The following SGCZ variants were observed in gnomAD, a reference collection of about 807,000 sequenced individuals.
SGCZ encodes the protein zeta-sarcoglycan.
Under a neutral mutation model 41.3 loss-of-function variants are expected in SGCZ, and 40 were observed. That is an observed-to-expected ratio of 0.97 (90% CI 0.75 to 1.26). SGCZ has a LOEUF of 1.26. Ranked by LOEUF, SGCZ falls within the 50% of genes most tolerant of loss-of-function variation. The pLI is 0.00. For missense variants in SGCZ, 552 were observed against 369.8 expected (o/e 1.49, Z -4.04); for synonymous variants, 206 against 137.5 (o/e 1.50, Z -3.49).
intron 1 of SGCZ, among the ~76,000 whole-genome samples, chr8:14,718,642 A>C (rs1416469114): frequency 2.0e-5 from 2 of 100,950 alleles, no homozygotes; most frequent in African/African-American, 7.4e-5. Context: ...ATATAAGTTC[A>C]CAGGAGTATG....
chr8:14,876,658 G>C (rs1804367926), intron 1 of SGCZ, among the ~76,000 whole-genome samples: 2 of 152,214 alleles, frequency 1.3e-5, no homozygotes, highest in South Asian at 4.1e-4. Context: ...TTTTTTAAAT[G>C]GTACAAGGTG....
At chr8:14,113,019 C>A (rs1440540000) in intron 5 of SGCZ, among the ~76,000 whole-genome samples, 1 of 152,024 alleles carries the variant, frequency 6.6e-6, no homozygotes, top group Non-Finnish European at 1.5e-5. Flanking sequence ...AAATGTCAAC[C>A]TATTTCAACA....
rs201803886 is a variant in SGCZ at position 14,363,546 on chromosome 8, TC to T, written c.235-39343del. ...CTTTTCTTTTCTTCTTCTTTTTTTT[TC>T]CCCCAAGCAGCAGTTTACTTTTAAC... On this transcript the variant is annotated intron_variant, in intron 2 of 7. Transcript: ENST00000382080. Among the ~76,000 whole-genome samples the T allele has an allele frequency of 9.2e-3, 1,401 of 152,156 alleles. 14 individuals are homozygous for T. The highest frequency in any genetic ancestry group is 0.02 in the Middle Eastern group (6 of 294).
chr8:14,102,302 T>G, intron 7 of SGCZ, 74 bp downstream of exon 7: 1 of 1,299,728 alleles, frequency 7.7e-7, no homozygotes, highest in Non-Finnish European at 9.9e-7. Flanking sequence ...AAGTCAATTA[T>G]AAATAGGACA....
At chr8:14,125,443 G>A (rs1015840127) in intron 5 of SGCZ, among the ~76,000 whole-genome samples, 20 of 150,804 alleles carry the variant, frequency 1.3e-4, no homozygotes, top group Admixed American at 4.6e-4. Flanking sequence ...GGCAGAGCTC[G>A]CAGTGAGCCG....
intron 2 of SGCZ, among the ~76,000 whole-genome samples, chr8:14,478,680 T>C (rs2116997830): frequency 6.6e-6 from 1 of 152,354 alleles, no homozygotes; most frequent in East Asian, 1.9e-4. Flanking sequence ...ATCTGGTTGA[T>C]TTGTTTCAGC....
rs189223801 is a variant in SGCZ at position 15,100,755 on chromosome 8, G to A, written c.39+136830C>T. ...CCTGGCATTTTGGGAGGCCAAACACGGAGAATCACTTAACCCCAGAAATTC... is the reference window on the plus strand; with the variant it reads ...CCTGGCATTTTGGGAGGCCAAACACAGAGAATCACTTAACCCCAGAAATTC... On this transcript the variant is annotated intron_variant, in intron 1 of 7. Transcript: ENST00000382080. Among the ~76,000 whole-genome samples, 121 of 152,224 alleles carry A rather than the reference G, an allele frequency of 7.9e-4. No homozygotes were observed. In the East Asian group the frequency reaches 9.1e-3, roughly 11 times the overall value.
chr8:15,220,777 T>G (rs1801569106), intron 1 of SGCZ, among the ~76,000 whole-genome samples: 1 of 152,066 alleles, frequency 6.6e-6, no homozygotes, highest in Non-Finnish European at 1.5e-5. Context: ...TGTCCATCAG[T>G]GATAAACTGG....
chr8:14,820,078 G>A (rs1359888478), intron 1 of SGCZ, among the ~76,000 whole-genome samples: 1 of 151,606 alleles, frequency 6.6e-6, no homozygotes, highest in Non-Finnish European at 1.5e-5. Context: ...GTATAGAGTG[G>A]CTAAATGGAG....
chr8:15,143,770 T>TAACTTAGCAAAATATCTG (rs1563148845), intron 1 of SGCZ, among the ~76,000 whole-genome samples: 1 of 4,578 alleles, frequency 2.2e-4, no homozygotes, highest in African/African-American at 2.8e-4. Context: ...ATTATTACCT[T>TAACTTAGCAAAATATCTG]TTTTTTTTTT....
chr8:14,760,239 T>C (rs1178937326), intron 1 of SGCZ, among the ~76,000 whole-genome samples: 1 of 152,178 alleles, frequency 6.6e-6, no homozygotes, highest in Non-Finnish European at 1.5e-5. Flanking sequence ...AACAAGGTAA[T>C]CCCTTCGTAG....
At chr8:14,824,070 A>G (rs938951772) in intron 1 of SGCZ, among the ~76,000 whole-genome samples, 15 of 152,142 alleles carry the variant, frequency 9.9e-5, no homozygotes, top group African/African-American at 2.7e-4. Context: ...AAAGAATAGA[A>G]CAGTGGTTAC....
intron 2 of SGCZ, among the ~76,000 whole-genome samples, chr8:14,393,826 C>G (rs975903485): frequency 1.2e-4 from 18 of 152,120 alleles, no homozygotes; most frequent in Non-Finnish European, 2.1e-4. Flanking sequence ...TCAATAAATG[C>G]ATTGACTTAC....
intron 7 of SGCZ, among the ~76,000 whole-genome samples, chr8:14,096,265 G>A (rs1266794457): frequency 6.6e-6 from 1 of 152,052 alleles, no homozygotes; most frequent in Non-Finnish European, 1.5e-5. Flanking sequence ...ATATTATTTT[G>A]AGATACATCC....
intron 2 of SGCZ, among the ~76,000 whole-genome samples, chr8:14,475,714 A>T (rs1182832879): frequency 6.6e-6 from 1 of 152,234 alleles, no homozygotes; most frequent in Non-Finnish European, 1.5e-5. Flanking sequence ...AATCTGAAGC[A>T]ATTCCAAATT....
At chr8:14,177,940 C>T (rs1219702916) in intron 4 of SGCZ, among the ~76,000 whole-genome samples, 3 of 91,522 alleles carry the variant, frequency 3.3e-5, no homozygotes, top group Admixed American at 1.5e-4. Flanking sequence ...TTCTTTTTTC[C>T]TTCTTTTCTT....
chr8:15,163,457 A>G (rs1193011335), intron 1 of SGCZ, among the ~76,000 whole-genome samples: 1 of 152,208 alleles, frequency 6.6e-6, no homozygotes, highest in Admixed American at 6.5e-5. Context: ...AATACTGGAA[A>G]CGACTTCACT....
intron 1 of SGCZ, among the ~76,000 whole-genome samples, chr8:14,818,799 T>C (rs553873602): frequency 5.9e-5 from 9 of 151,946 alleles, no homozygotes; most frequent in African/African-American, 2.2e-4. Flanking sequence ...AACTGAGAGC[T>C]TCAAGAACAG....
chr8:14,119,487 T>C (rs1477946493), intron 5 of SGCZ, among the ~76,000 whole-genome samples: 2 of 152,198 alleles, frequency 1.3e-5, no homozygotes, highest in Non-Finnish European at 2.9e-5. Flanking sequence ...TTTCTAAATA[T>C]ACAATCATGA....
Sources: allele counts gnomAD v4.1 joint callset (sites outside exome capture counted in the v4.1 genomes callset), GRCh38; gene constraint gnomAD v4.1.1; transcripts MANE v1.5; gene names NCBI Gene and HGNC (gene_info 2026-07-23, HGNC 2026-07-21).